Variants in MYLK4 observed in about 807,000 individuals in gnomAD.
MYLK4 encodes the protein myosin light chain kinase family member 4, also known as caMLCK like.
In MYLK4, 46 loss-of-function variants were observed where a neutral mutation model predicts 48.1. The observed-to-expected ratio is 0.96, with a 90% confidence interval of 0.75 to 1.22. MYLK4 has a LOEUF of 1.22. MYLK4 is among the 50% of genes most tolerant of loss of function. The pLI is 0.00. For missense variants in MYLK4, 451 were observed against 486.1 expected, an observed-to-expected ratio of 0.93 and a Z score of 0.68; for synonymous variants, 170 against 180.8, an observed-to-expected ratio of 0.94 and a Z score of 0.48.
intron 2 of MYLK4, among the ~76,000 whole-genome samples, chr6:2,716,244 A>G (rs1327034041): frequency 2.0e-5 from 3 of 152,226 alleles, no homozygotes; most frequent in Non-Finnish European, 4.4e-5. Context: ...AGGATTTTCA[A>G]GTATCATAGT....
chr6:2,765,534 G>C, the MYLK4 span: 3 of 1,323,702 alleles, frequency 2.3e-6, no homozygotes, highest in Non-Finnish European at 2.9e-6. Flanking sequence ...GGGTCTCGCG[G>C]CGCGGGGCCT....
intron 2 of MYLK4, among the ~76,000 whole-genome samples, chr6:2,706,520 A>T (rs948476857): frequency 6.6e-6 from 1 of 152,226 alleles, no homozygotes; most frequent in African/African-American, 2.4e-5. Context: ...ATATAAATTT[A>T]TACCTCAGTG....
intron 6 of MYLK4, among the ~76,000 whole-genome samples, chr6:2,683,566 T>C (rs1012478581): frequency 3.3e-5 from 5 of 152,088 alleles, no homozygotes; most frequent in African/African-American, 9.7e-5. Flanking sequence ...ATTAGAGGCA[T>C]GCGCCACCAT....
At chr6:2,701,765 CT>C (rs1275129116) in intron 2 of MYLK4, among the ~76,000 whole-genome samples, 1 of 152,214 alleles carries the variant, frequency 6.6e-6, no homozygotes, top group African/African-American at 2.4e-5. Flanking sequence ...AATGCAGAAC[CT>C]CAGAACCTCA....
chr6:2,697,382 G>A (rs971144404), intron 2 of MYLK4, among the ~76,000 whole-genome samples: 1 of 152,224 alleles, frequency 6.6e-6, no homozygotes, highest in African/African-American at 2.4e-5. Flanking sequence ...TTGCGTGCCA[G>A]TTTTGATTAT....
At chr6:2,766,105 G>A in the MYLK4 span, 1 of 1,317,732 alleles carries the variant, frequency 7.6e-7, no homozygotes, top group Non-Finnish European at 9.6e-7. Flanking sequence ...ACGAGGCGGA[G>A]GCGCAGGAGG....
chr6:2,742,051 C>A (rs966326551), intron 2 of MYLK4, among the ~76,000 whole-genome samples: 5 of 152,068 alleles, frequency 3.3e-5, no homozygotes, highest in African/African-American at 1.2e-4. Context: ...TAGGTCAGAC[C>A]TAAAGAGAAT....
the MYLK4 span, chr6:2,768,957 A>C: frequency 7.0e-7 from 1 of 1,421,208 alleles, no homozygotes; most frequent in Non-Finnish European, 9.5e-7. Flanking sequence ...CACTATACAA[A>C]CGCTAGAGAC....
chr6:2,737,250 T>C (rs941144957), intron 2 of MYLK4, among the ~76,000 whole-genome samples: 9 of 152,104 alleles, frequency 5.9e-5, no homozygotes. Flanking sequence ...GAGGCGGAGG[T>C]TGCAGTGAGC....
Position 2,727,752 on chromosome 6 carries a change from T to C in MYLK4, c.159+21384A>G, listed in dbSNP as rs535120774. On this transcript the variant is annotated intron_variant, in intron 2 of 12. Coordinates refer to ENST00000274643, the MANE Select transcript of MYLK4 (RefSeq NM_001012418.5). ...TCACGAGGTCAAGAGATAGAGACCATCCTGGCCAATGTGGTAAAACCCCGT... is the reference window on the plus strand; with the variant it reads ...TCACGAGGTCAAGAGATAGAGACCACCCTGGCCAATGTGGTAAAACCCCGT... Among the ~76,000 whole-genome samples the C allele has an allele frequency of 2.0e-5, 3 of 152,130 alleles. No individual in the cohort carries two copies. The South Asian group carries it at 6.2e-4, about 32-fold the overall frequency.
intron 2 of MYLK4, among the ~76,000 whole-genome samples, chr6:2,745,938 G>GAAAC (rs1266114138): frequency 1.7e-4 from 24 of 142,488 alleles, no homozygotes; most frequent in African/African-American, 6.2e-4. Context: ...AAAAAAAAAA[G>GAAAC]AAACAAACAA....
chr6:2,739,377 A>G (rs1439647685), intron 2 of MYLK4, among the ~76,000 whole-genome samples: 1 of 152,240 alleles, frequency 6.6e-6, no homozygotes, highest in African/African-American at 2.4e-5. Flanking sequence ...GGGTGAGTCC[A>G]TCTGACTTTT....
At chr6:2,669,468 A>G (rs766460262) in intron 12 of MYLK4, among the ~76,000 whole-genome samples, 18 of 152,190 alleles carry the variant, frequency 1.2e-4, no homozygotes, top group Non-Finnish European at 2.6e-4. Flanking sequence ...CCGCCTTGGA[A>G]TGCAACCCTG....
the MYLK4 span, among the ~76,000 whole-genome samples, chr6:2,769,962 A>G: frequency 1.3e-5 from 2 of 152,194 alleles, no homozygotes; most frequent in African/African-American, 4.8e-5. Context: ...TACTCCCCCA[A>G]ATATTGCATC....
chr6:2,699,287 C>CTTTTTTTTTTTTT lies in MYLK4; in HGVS notation c.160-6441_160-6429dup, dbSNP rs56959282. Among the ~76,000 whole-genome samples the CTTTTTTTTTTTTT allele has an allele frequency of 3.6e-3, 283 of 77,888 alleles. 8 individuals carry two copies. The highest frequency in any genetic ancestry group is 5.8e-3 in the African/African-American group (106 of 18,202). The allele number at this position is 77,888 out of a possible 152,430, so 51.1% of individuals were successfully genotyped here. A position where few individuals can be genotyped will look rare whatever the true frequency, so the allele number is the denominator to read the frequency against. On this transcript the variant is annotated intron_variant, in intron 2 of 12. Transcript: ENST00000274643. The stretch of plus-strand genomic sequence containing the variant: ...CATGCTACCACTTTTCTTTTCTTTT[C>CTTTTTTTTTTTTT]TTTTTTTTTTTTTTTTTTTTTTGAT...
At chr6:2,668,017 A>G (rs1760726104) in intron 12 of MYLK4, 118 bp from the exon 13 acceptor site, 1 of 126,618 alleles carries the variant, frequency 7.9e-6, no homozygotes, top group Non-Finnish European at 1.7e-5. Flanking sequence ...ATATGTGTGT[A>G]TATGAGCGGG....
At chr6:2,731,270 T>C (rs1582109061) in intron 2 of MYLK4, among the ~76,000 whole-genome samples, 1 of 151,980 alleles carries the variant, frequency 6.6e-6, no homozygotes, top group East Asian at 1.9e-4. Context: ...AAAAAATGGT[T>C]GGAATATTAT....
At chr6:2,754,618 A>AT (rs148024876), upstream of MYLK4, among the ~76,000 whole-genome samples, 2,976 of 152,274 alleles carry the variant, frequency 0.02, 47 homozygotes, top group African/African-American at 0.045. Flanking sequence ...ACAATGCAGA[A>AT]TTGTGCACTT....
In MYLK4 at chr6:2,685,284, G is replaced by A. The variant is rs74656563; in HGVS notation, c.545+12C>T. 0.072 allele frequency: 115,030 copies of A among 1,589,916 alleles called. 5,050 individuals are homozygous for A. Among genetic ancestry groups the A allele is most frequent in the East Asian group, 0.24 (10,513 of 44,388 alleles). ...TTGGGGAGGTCAGGGAGGGGGCGGA[G>A]GGGATACGTACTACTCCATGACCAG... On this transcript the variant is annotated intron_variant, in intron 6 of 12. Coordinates refer to ENST00000274643, the MANE Select transcript of MYLK4 (RefSeq NM_001012418.5). The surrounding 1 kb of genome is among the most constrained non-coding windows in gnomAD (Gnocchi z 4.5).
Sources: allele counts gnomAD v4.1 joint callset (sites outside exome capture counted in the v4.1 genomes callset), GRCh38; gene constraint gnomAD v4.1.1; non-coding constraint Gnocchi (gnomAD v3.1); transcripts MANE v1.5; gene names NCBI Gene and HGNC (gene_info 2026-07-23, HGNC 2026-07-21).